The following MFAP3L variants were observed in gnomAD, a reference collection of about 807,000 sequenced individuals.
The protein encoded by MFAP3L is microfibrillar-associated protein 3-like.
Under a neutral mutation model 20.0 loss-of-function variants are expected in MFAP3L, and 5 were observed. The observed-to-expected ratio is 0.25, with a 90% confidence interval of 0.13 to 0.53. The LOEUF (loss-of-function observed/expected upper bound fraction) is 0.53. MFAP3L is among the 20% of genes least tolerant of loss of function. The pLI is 0.96. For missense variants in MFAP3L, 409 were observed against 527.5 expected (o/e 0.78, Z 2.20); for synonymous variants, 219 against 213.0 (o/e 1.03, Z -0.25).
intron 1 of MFAP3L, among the ~76,000 whole-genome samples, chr4:170,014,171 C>A (rs374980904): frequency 2.6e-4 from 40 of 152,056 alleles, no homozygotes; most frequent in East Asian, 2.5e-3. Context: ...ACATCTCCCC[C>A]CTTTAAAAAA....
At chr4:170,013,984 T>A (rs1222611064) in intron 1 of MFAP3L, among the ~76,000 whole-genome samples, 1 of 152,220 alleles carries the variant, frequency 6.6e-6, no homozygotes, top group Non-Finnish European at 1.5e-5. Context: ...TGCAGGGGCC[T>A]TTATGCTGCC....
chr4:170,005,416 G>T, intron 2 of MFAP3L, 164 bp downstream of exon 2: 1 of 796,424 alleles, frequency 1.3e-6, no homozygotes, highest in Non-Finnish European at 2.0e-6. Flanking sequence ...TGAATTAATT[G>T]CTTCTTTGAA....
At chr4:169,993,345 C>A (rs954982316) in intron 2 of MFAP3L, among the ~76,000 whole-genome samples, 1 of 152,168 alleles carries the variant, frequency 6.6e-6, no homozygotes, top group Admixed American at 6.6e-5. Context: ...GCAAATATTT[C>A]TCCATAAAAA....
chr4:170,006,392 C>T (rs1581493660), intron 1 of MFAP3L, among the ~76,000 whole-genome samples: 1 of 152,102 alleles, frequency 6.6e-6, no homozygotes. Flanking sequence ...GGATTACAGG[C>T]GTGAGCCACC....
At position 169,991,576 on chromosome 4, in the gene MFAP3L, C is replaced by T. The variant is rs200422051; in HGVS notation, c.1032G>A (p.Glu344=). The T allele has an allele frequency of 4.3e-6, 7 of 1,614,144 alleles. No individual in the cohort carries two copies. The highest frequency in any genetic ancestry group is 5.1e-6 in the Non-Finnish European group (6 of 1,180,034). ...EGGQFEVKDV[E]ETELSAEHSP... ...AATGTTCCGCCGACAGTTCTGTCTC[C>T]TCTACATCTTTGACTTCAAACTGTC... Residue 344 remains glutamate (E), a synonymous_variant, in exon 3 of 3, where the codon GAG becomes GAA. Transcript: ENST00000361618. This position sits in a 1 kb window ranked among gnomAD's most constrained non-coding sequence, Gnocchi z 4.9.
At chr4:170,008,293 C>A (rs1443724910) in intron 1 of MFAP3L, among the ~76,000 whole-genome samples, 1 of 152,190 alleles carries the variant, frequency 6.6e-6, no homozygotes, top group Non-Finnish European at 1.5e-5. Context: ...CATAACGCAT[C>A]ATTTACAGGT....
At position 169,991,680 on chromosome 4, in the gene MFAP3L, C is replaced by A; in HGVS notation, c.928G>T (p.Glu310Ter). 6.2e-7 allele frequency: 1 copy of A among 1,614,138 alleles called. No homozygotes were observed. The highest frequency in any genetic ancestry group is 8.5e-7 in the Non-Finnish European group (1 of 1,180,038). ...AADSDASSLH[E>*]QPQQIAIKVS... ...TTGATGGCAATTTGCTGAGGTTGCT[C>A]GTGCAGCGATGAGGCGTCCGAGTCA... The change falls in exon 3 of 3, where the codon GAG becomes TAG. Residue 310 changes from glutamate to a stop codon, truncating the protein, a stop_gained. Transcript: ENST00000361618. LOFTEE classifies it high-confidence loss of function. The surrounding 1 kb of genome is among the most constrained non-coding windows in gnomAD (Gnocchi z 4.9).
At chr4:169,996,751 A>T (rs1031374672) in intron 2 of MFAP3L, among the ~76,000 whole-genome samples, 1 of 152,102 alleles carries the variant, frequency 6.6e-6, no homozygotes, top group African/African-American at 2.4e-5. Context: ...CAAGAGCTTT[A>T]TATCTATCCT....
chr4:170,004,392 C>T (rs904530377), intron 2 of MFAP3L, among the ~76,000 whole-genome samples: 3 of 152,002 alleles, frequency 2.0e-5, no homozygotes, highest in South Asian at 2.1e-4. Context: ...AGGTTAAACG[C>T]GATTCATAAT....
At chr4:170,026,691 C>T (rs1172161653), upstream of MFAP3L, among the ~76,000 whole-genome samples, 2 of 152,188 alleles carry the variant, frequency 1.3e-5, no homozygotes, top group African/African-American at 4.8e-5. Context: ...CCCAGGGCCT[C>T]CGCGGCAGCG....
chr4:170,022,232 T>C (rs1443311448), intron 1 of MFAP3L, among the ~76,000 whole-genome samples: 1 of 152,202 alleles, frequency 6.6e-6, no homozygotes, highest in Non-Finnish European at 1.5e-5. Context: ...GAGACCTGAA[T>C]TACAGCATGC....
intron 1 of MFAP3L, among the ~76,000 whole-genome samples, chr4:170,009,916 A>G (rs1009006581): frequency 6.6e-6 from 1 of 152,214 alleles, no homozygotes; most frequent in Admixed American, 6.5e-5. Flanking sequence ...GGCAGAGTCA[A>G]TTTGGGTATT....
chr4:170,008,951 C>T (rs917728922), intron 1 of MFAP3L, among the ~76,000 whole-genome samples: 1 of 152,146 alleles, frequency 6.6e-6, no homozygotes. Flanking sequence ...ATATGGAATC[C>T]AACGGCAATT....
intron 1 of MFAP3L, among the ~76,000 whole-genome samples, chr4:170,017,996 A>T (rs1739804952): frequency 6.6e-6 from 1 of 152,246 alleles, no homozygotes; most frequent in Non-Finnish European, 1.5e-5. Context: ...GGCCACTATT[A>T]TCCACTTAGT....
At position 170,005,758 on chromosome 4, in the gene MFAP3L, G is replaced by GT; in HGVS notation, c.119dup (p.Asn40LysfsTer15). 6.2e-7 allele frequency: 1 copy of GT among 1,614,218 alleles called. No homozygotes were observed. Among genetic ancestry groups the GT allele is most frequent in the African/African-American group, 1.3e-5 (1 of 75,054 alleles). On this transcript the variant is annotated frameshift_variant, in exon 2 of 3. Transcript: ENST00000361618. LOFTEE classifies it high-confidence loss of function. ...TTACGGGCACAGAGCCCAAGACCACGTTAGTGCCATTTAAAGTGCTGTTAG... is the reference window on the plus strand; with the variant it reads ...TTACGGGCACAGAGCCCAAGACCACGTTTAGTGCCATTTAAAGTGCTGTTAG...
intron 1 of MFAP3L, among the ~76,000 whole-genome samples, chr4:170,024,800 G>A (rs1362026311): frequency 1.3e-5 from 2 of 152,214 alleles, no homozygotes; most frequent in African/African-American, 4.8e-5. Context: ...TCACCCCAGA[G>A]AGTATCCAGA....
rs1186734826 is a variant in MFAP3L, at chr4:169,986,740, G to T, written c.*4638C>A. The T allele has an allele frequency of 6.6e-6, 1 of 152,162 alleles. No individual in the cohort carries two copies. The highest frequency in any genetic ancestry group is 1.5e-5 in the Non-Finnish European group (1 of 68,008). 9.4% of individuals were successfully genotyped at this position (152,162 alleles called of 1,614,324 possible). On this transcript the variant is annotated 3_prime_UTR_variant, in exon 3 of 3. Coordinates refer to ENST00000361618, the MANE Select transcript of MFAP3L (RefSeq NM_021647.8). ...TATTTTTAAAAGTGAACATTTTACA[G>T]TTCACAGAATCACCAGATTGACATT...
At chr4:170,002,653 A>G (rs1020098982) in intron 2 of MFAP3L, among the ~76,000 whole-genome samples, 16 of 151,622 alleles carry the variant, frequency 1.1e-4, no homozygotes, top group African/African-American at 3.9e-4. Flanking sequence ...GGGATTACAG[A>G]TATGCACCGC....
In MFAP3L at chr4:170,020,014, C is replaced by A. The variant is rs531110667; in HGVS notation, c.-134+6220G>T. ...AATTTCTTCTTTTATGTATCTCTTA[C>A]AAAGTCTGTGCCCTGTGATAAGGTT... is the stretch of plus-strand genomic sequence containing the variant. On this transcript the variant is annotated intron_variant, in intron 1 of 2. Transcript: ENST00000361618. 3.3e-5 allele frequency among the ~76,000 whole-genome samples: 5 copies of A among 152,346 alleles called. No individual in the cohort carries two copies. In the South Asian group the frequency reaches 1.0e-3, roughly 32 times the overall value.
Sources: allele counts gnomAD v4.1 joint callset (sites outside exome capture counted in the v4.1 genomes callset), GRCh38; gene constraint gnomAD v4.1.1; non-coding constraint Gnocchi (gnomAD v3.1); transcripts MANE v1.5; gene names NCBI Gene and HGNC (gene_info 2026-07-23, HGNC 2026-07-21).